Variants in ARHGEF28 observed in about 807,000 individuals in gnomAD.
The protein encoded by ARHGEF28 is Rho guanine nucleotide exchange factor 28.
ARHGEF28 carries 152 observed loss-of-function variants against 206.6 expected under a neutral mutation model. The observed-to-expected ratio is 0.74, with a 90% CI of 0.64 to 0.84. ARHGEF28 has a LOEUF of 0.84. ARHGEF28 is among the 40% of genes least tolerant of loss of function. ARHGEF28 has a pLI of 0.00. For missense variants in ARHGEF28, 2,028 were observed against 2,073.2 expected, an observed-to-expected ratio of 0.98 and a Z score of 0.42; for synonymous variants, 763 against 776.4, an observed-to-expected ratio of 0.98 and a Z score of 0.29.
intron 9 of ARHGEF28, among the ~76,000 whole-genome samples, chr5:73,801,381 A>G (rs1489601238): frequency 1.3e-5 from 2 of 152,124 alleles, no homozygotes; most frequent in African/African-American, 4.8e-5. Flanking sequence ...CGGGAGGCAG[A>G]GCTTGCAGTG....
At chr5:73,831,463 T>A (rs1473748903) in intron 9 of ARHGEF28, among the ~76,000 whole-genome samples, 1 of 152,164 alleles carries the variant, frequency 6.6e-6, no homozygotes, top group Non-Finnish European at 1.5e-5. Context: ...GCATAAACAT[T>A]TCCGTAACCA....
intron 2 of ARHGEF28, among the ~76,000 whole-genome samples, chr5:73,689,431 C>A (rs942349174): frequency 4.6e-5 from 7 of 152,146 alleles, no homozygotes; most frequent in Non-Finnish European, 1.0e-4. Context: ...CACCCTCGAC[C>A]ACCTGGGCCC....
chr5:73,760,234 A>G (rs1188889382), intron 4 of ARHGEF28, among the ~76,000 whole-genome samples: 1 of 152,228 alleles, frequency 6.6e-6, no homozygotes, highest in Non-Finnish European at 1.5e-5. Context: ...ACATTAGCTG[A>G]AACACCAGTG....
At chr5:73,823,069 T>C (rs72772504) in intron 9 of ARHGEF28, among the ~76,000 whole-genome samples, 4,753 of 149,096 alleles carry the variant, frequency 0.032, 104 homozygotes, top group Non-Finnish European at 0.039. Context: ...AGATTGTATA[T>C]GCAGCAGCTG....
intron 33 of ARHGEF28, chr5:73,908,863 T>G (rs1317104364): frequency 1.3e-5 from 2 of 152,278 alleles, no homozygotes; most frequent in African/African-American, 2.4e-5. Context: ...TCTTAGGCAT[T>G]ATGTTATAAA....
intron 1 of ARHGEF28, among the ~76,000 whole-genome samples, chr5:73,632,604 C>T (rs1157167696): frequency 6.6e-6 from 1 of 152,078 alleles, no homozygotes; most frequent in Non-Finnish European, 1.5e-5. Context: ...ATGGTAGCCT[C>T]TAACATTTAA....
chr5:73,774,584 A>G (rs975903088), intron 5 of ARHGEF28, among the ~76,000 whole-genome samples: 1 of 152,208 alleles, frequency 6.6e-6, no homozygotes, highest in Non-Finnish European at 1.5e-5. Context: ...GATTTAGTCA[A>G]TTTGGTGGTC....
chr5:73,751,382 C>T (rs1752011357), intron 3 of ARHGEF28, among the ~76,000 whole-genome samples: 1 of 152,162 alleles, frequency 6.6e-6, no homozygotes, highest in African/African-American at 2.4e-5. Flanking sequence ...TGCACTCCAG[C>T]CTGGGAGACA....
chr5:73,892,074 C>G lies in ARHGEF28; in HGVS notation c.3410C>G (p.Ser1137Cys). 1 of 1,602,180 alleles carries G rather than the reference C, an allele frequency of 6.2e-7. No individual in the cohort carries two copies. The highest frequency in any genetic ancestry group is 8.5e-7 in the Non-Finnish European group (1 of 1,173,804). ...TAGGATCAGAAGCCATCAGTTATTT[C>G]CCTTCAAAAGCTTATTGCTAGAGAA... ...AAVDQKPSVI[S>C]LQKLIAREVA... Residue 1137 changes from serine to cysteine, a missense_variant, in exon 27 of 36, where the codon TCC (serine) becomes TGC (cysteine). Coordinates refer to ENST00000513042, the MANE Select transcript of ARHGEF28 (RefSeq NM_001177693.2).
chr5:73,757,747 T>G (rs1370854154), intron 4 of ARHGEF28, among the ~76,000 whole-genome samples: 2 of 152,230 alleles, frequency 1.3e-5, no homozygotes, highest in Admixed American at 1.3e-4. Context: ...TTCATAAAAT[T>G]AAGACCATTC....
intron 22 of ARHGEF28, among the ~76,000 whole-genome samples, chr5:73,880,958 T>C (rs1489084013): frequency 1.3e-5 from 2 of 151,992 alleles, no homozygotes; most frequent in Non-Finnish European, 2.9e-5. Context: ...TTGTACAGTT[T>C]GTTGTTTTAC....
At chr5:73,790,014 C>G (rs1754377973) in intron 7 of ARHGEF28, among the ~76,000 whole-genome samples, 2 of 152,132 alleles carry the variant, frequency 1.3e-5, no homozygotes, top group African/African-American at 2.4e-5. Context: ...AAAAGATAAT[C>G]CGGTAGAAAA....
In ARHGEF28 at chr5:73,940,997, A is replaced by T; in HGVS notation, c.5102A>T (p.Asn1701Ile). 2.6e-6 allele frequency: 4 copies of T among 1,517,126 alleles called. No individual in the cohort carries two copies. Among genetic ancestry groups the T allele is most frequent in the Non-Finnish European group, 3.5e-6 (4 of 1,141,316 alleles). 94.0% of individuals were successfully genotyped at this position (1,517,126 alleles called of 1,614,324 possible). A position where few individuals can be genotyped will look rare whatever the true frequency, so the allele number is the denominator to read the frequency against. ...GAAACTGGAGATGGAGCCAAAGAAA[A>T]TATTGTTTACCTCTAATTGTGTTGT... is the stretch of plus-strand genomic sequence containing the variant. ...DGETGDGAKENIVYL is the reference protein window; with the variant it reads ...DGETGDGAKEIIVYL Residue 1701 changes from asparagine to isoleucine, a missense_variant, in exon 36 of 36, where the codon AAT becomes ATT. Around this residue, in one of 3 missense-constraint regions of ARHGEF28, gnomAD observed 803 missense variants for 768.0 expected, o/e 1.05. Coordinates refer to ENST00000513042, the MANE Select transcript of ARHGEF28 (RefSeq NM_001177693.2).
chr5:73,925,721 T>A (rs1417573289), intron 35 of ARHGEF28, among the ~76,000 whole-genome samples: 3 of 151,924 alleles, frequency 2.0e-5, no homozygotes, highest in Non-Finnish European at 4.4e-5. Flanking sequence ...TTGTGCCTTT[T>A]GGGGCCTAGC....
At chr5:73,640,494 C>T (rs181087759) in intron 1 of ARHGEF28, among the ~76,000 whole-genome samples, 67 of 152,218 alleles carry the variant, frequency 4.4e-4, no homozygotes, top group African/African-American at 1.4e-3. Context: ...GCCAAACTTT[C>T]TTCTGTATTA....
intron 16 of ARHGEF28, among the ~76,000 whole-genome samples, chr5:73,858,973 A>G (rs1406555719): frequency 1.3e-5 from 2 of 152,024 alleles, no homozygotes; most frequent in African/African-American, 4.8e-5. Flanking sequence ...CTCCTGCCTT[A>G]GGGCCTTCTC....
At chr5:73,816,730 A>C (rs562547439) in intron 9 of ARHGEF28, among the ~76,000 whole-genome samples, 31 of 152,356 alleles carry the variant, frequency 2.0e-4, no homozygotes, top group Non-Finnish European at 3.8e-4. Context: ...GTGACTTAGA[A>C]GCAGTGCCTT....
chr5:73,656,984 C>T (rs1745248428), intron 1 of ARHGEF28, among the ~76,000 whole-genome samples: 1 of 151,934 alleles, frequency 6.6e-6, no homozygotes, highest in Non-Finnish European at 1.5e-5. Flanking sequence ...TCCTGGCTAA[C>T]ATGGTGAAAT....
At chr5:73,846,548 C>T in intron 12 of ARHGEF28, 73 bp downstream of exon 12, 5 of 1,400,906 alleles carry the variant, frequency 3.6e-6, no homozygotes, top group East Asian at 2.3e-5. Context: ...CCATCTGTAT[C>T]TGAAAGACAT....
Sources: gnomAD v4.1 joint callset for allele counts (sites outside exome capture counted in the v4.1 genomes callset) on GRCh38, gnomAD v4.1.1 for gene constraint, gnomAD v4.1.1 regional missense constraint, MANE v1.5 for transcripts, NCBI Gene and HGNC (gene_info 2026-07-23, HGNC 2026-07-21) for gene names.